The following NLN variants were observed in gnomAD, a reference collection of about 807,000 sequenced individuals.
NLN encodes the protein neurolysin, also known as neurolysin, mitochondrial.
Under a neutral mutation model 79.9 loss-of-function variants are expected in NLN, and 64 were observed. That is an observed-to-expected ratio of 0.80 (90% CI 0.65 to 0.99). The LOEUF (loss-of-function observed/expected upper bound fraction) is 0.99, where lower values mean the gene tolerates loss of function less well. Ranked by LOEUF, NLN falls within the 50% of genes least tolerant of loss-of-function variation. NLN has a pLI of 0.00. For synonymous variants in NLN, 267 were observed against 296.6 expected, an observed-to-expected ratio of 0.90 and a Z score of 1.02; for missense variants, 835 against 858.7, an observed-to-expected ratio of 0.97 and a Z score of 0.34.
chr5:65,738,323 C>T (rs886839376), intron 1 of NLN, among the ~76,000 whole-genome samples: 5 of 152,004 alleles, frequency 3.3e-5, no homozygotes, highest in African/African-American at 1.2e-4. Flanking sequence ...GTGCCTCATG[C>T]CATAATCCCA....
rs1252091041 is a variant in NLN at position 65,828,285 on chromosome 5, C to A, written c.*5370C>A. ...TGTGCCTAGATCAAAAGAATAATCC[C>A]CCCGGACTCCAGTGTAAGATCAATT... On this transcript the variant is annotated 3_prime_UTR_variant, in exon 13 of 13. Transcript: ENST00000380985. The A allele has an allele frequency of 6.6e-6, 1 of 152,120 alleles. No homozygotes were observed. Among genetic ancestry groups the A allele is most frequent in the Non-Finnish European group, 1.5e-5 (1 of 68,046 alleles). The allele number at this position is 152,120 out of a possible 1,614,324, so 9.4% of individuals were successfully genotyped here. A position where few individuals can be genotyped will look rare whatever the true frequency, so the allele number is the denominator to read the frequency against.
At position 65,722,220 on chromosome 5, in the gene NLN, GCT is replaced by G; in HGVS notation, c.-153_-152del. The G allele has an allele frequency of 2.5e-6, 1 of 404,856 alleles. No homozygotes were observed. 25.1% of individuals were successfully genotyped at this position (404,856 alleles called of 1,614,324 possible). A position where few individuals can be genotyped will look rare whatever the true frequency, so the allele number is the denominator to read the frequency against. On this transcript the variant is annotated 5_prime_UTR_variant, in exon 1 of 13. Transcript: ENST00000380985. ...CGGGGCTGGTAGGCGCCGGCGTGGA[GCT>G]GCCGCACGTGGGAGGGCGCTGGCCA...
At chr5:65,822,093 A>G (rs1231454150) in intron 12 of NLN, among the ~76,000 whole-genome samples, 1 of 152,230 alleles carries the variant, frequency 6.6e-6, no homozygotes, top group Non-Finnish European at 1.5e-5. Flanking sequence ...ATATTGAACA[A>G]TGCTGATACT....
intron 4 of NLN, 167 bp from the exon 5 acceptor site, chr5:65,780,012 G>C: frequency 2.1e-6 from 1 of 474,866 alleles, no homozygotes; most frequent in South Asian, 3.6e-5. Context: ...TTTTAGTAGA[G>C]ACTGGCTTTC....
At position 65,823,182 on chromosome 5, in the gene NLN, C is replaced by T. The variant is rs1760838531; in HGVS notation, c.*267C>T. ...TTATGAAAGTTTCATATGAATGTAA[C>T]TTGATTTTTTACTATTATAATCTAG... On this transcript the variant is annotated 3_prime_UTR_variant, in exon 13 of 13. Transcript: ENST00000380985. The T allele has an allele frequency of 3.0e-6, 1 of 336,320 alleles. No individual in the cohort carries two copies. 20.8% of individuals were successfully genotyped at this position (336,320 alleles called of 1,614,324 possible).
rs1476858922 is a variant in NLN at position 65,828,048 on chromosome 5, A to G, written c.*5133A>G. 6.6e-6 allele frequency: 1 copy of G among 152,206 alleles called. No individual in the cohort carries two copies. Among genetic ancestry groups the G allele is most frequent in the Non-Finnish European group, 1.5e-5 (1 of 68,040 alleles). The allele number at this position is 152,206 out of a possible 1,614,324, so 9.4% of individuals were successfully genotyped here. The stretch of plus-strand genomic sequence containing the variant: ...TAAAAAAATAATAATGTTTAAAAAT[A>G]TTTCAATGTGGAGACAAGCTCAAAA... On this transcript the variant is annotated 3_prime_UTR_variant, in exon 13 of 13. Transcript: ENST00000380985.
chr5:65,761,132 C>G (rs1759328389), intron 2 of NLN, among the ~76,000 whole-genome samples: 1 of 152,044 alleles, frequency 6.6e-6, no homozygotes, highest in Admixed American at 6.5e-5. Flanking sequence ...GGTTCCAGGT[C>G]TTTGTGGCAA....
chr5:65,724,438 GAAT>G (rs1411820108), intron 1 of NLN, among the ~76,000 whole-genome samples: 1 of 152,140 alleles, frequency 6.6e-6, no homozygotes, highest in African/African-American at 2.4e-5. Context: ...TTTTAAAACT[GAAT>G]AATATTTCAT....
Position 65,822,936 on chromosome 5 carries a change from G to A in NLN, c.*21G>A, listed in dbSNP as rs375732776. ...CGTGAACTGGGGATCTTTGGTAGCC[G>A]TCCATGTCTGGAGGACAAGTCGACA... On this transcript the variant is annotated 3_prime_UTR_variant, in exon 13 of 13. Transcript: ENST00000380985. 29 of 1,607,786 alleles carry A rather than the reference G, an allele frequency of 1.8e-5. No homozygotes were observed. The highest frequency in any genetic ancestry group is 2.4e-5 in the Non-Finnish European group (28 of 1,174,738).
At chr5:65,723,682 G>A (rs1297035282) in intron 1 of NLN, among the ~76,000 whole-genome samples, 1 of 151,190 alleles carries the variant, frequency 6.6e-6, no homozygotes, top group Admixed American at 6.6e-5. Flanking sequence ...GGGCGTGGTG[G>A]CGGGCGCCTG....
At chr5:65,814,378 G>A (rs967721424) in intron 12 of NLN, among the ~76,000 whole-genome samples, 1 of 151,988 alleles carries the variant, frequency 6.6e-6, no homozygotes, top group African/African-American at 2.4e-5. Context: ...ACAAGTTTAT[G>A]TGTTCCCTTA....
chr5:65,747,157 A>G (rs890350609), intron 1 of NLN, among the ~76,000 whole-genome samples: 2 of 152,186 alleles, frequency 1.3e-5, no homozygotes, highest in African/African-American at 2.4e-5. Flanking sequence ...AGAGAAATGG[A>G]TGATACAGAT....
chr5:65,783,868 G>A (rs142786223), intron 6 of NLN, among the ~76,000 whole-genome samples: 56 of 152,146 alleles, frequency 3.7e-4, no homozygotes, highest in African/African-American at 1.2e-3. Flanking sequence ...ATTACATTAT[G>A]TATGTTTCTC....
At chr5:65,768,655 C>T (rs1040162059) in intron 3 of NLN, among the ~76,000 whole-genome samples, 3 of 152,242 alleles carry the variant, frequency 2.0e-5, no homozygotes, top group Non-Finnish European at 4.4e-5. Context: ...AGTCCGAGAT[C>T]AGTGTGCCAG....
At position 65,825,384 on chromosome 5, in the gene NLN, CCT is replaced by C. The variant is rs1197207409; in HGVS notation, c.*2472_*2473del. ...TGGTAATTGATCCAGGGGATTTAGG[CCT>C]CTTTCGGGTTTTTTGTTTTTTTTTT... On this transcript the variant is annotated 3_prime_UTR_variant, in exon 13 of 13. Transcript: ENST00000380985. 6.6e-6 allele frequency: 1 copy of C among 151,788 alleles called. No individual in the cohort carries two copies. The highest frequency in any genetic ancestry group is 1.5e-5 in the Non-Finnish European group (1 of 67,966). The allele number at this position is 151,788 out of a possible 1,614,324, so 9.4% of individuals were successfully genotyped here. A position where few individuals can be genotyped will look rare whatever the true frequency, so the allele number is the denominator to read the frequency against.
Position 65,809,572 on chromosome 5 carries a change from T to A in NLN, c.1585T>A (p.Ser529Thr). The change falls in exon 10 of 13, where the codon TCG becomes ACG. Residue 529 changes from serine to threonine, a missense_variant. Ser to Thr is a moderately conservative substitution (Grantham distance 58). Coordinates refer to ENST00000380985, the MANE Select transcript of NLN (RefSeq NM_020726.5). Reference protein sequence around the residue: ...NVETDFVEVPSQMLENWVWDV... With the variant: ...NVETDFVEVPTQMLENWVWDV... The stretch of plus-strand genomic sequence containing the variant: ...GGAAACTGACTTTGTAGAGGTGCCA[T>A]CGCAAATGCTTGAAAATTGGGTGTG... The A allele has an allele frequency of 6.2e-7, 1 of 1,613,640 alleles. No individual in the cohort carries two copies. The highest frequency in any genetic ancestry group is 1.1e-5 in the South Asian group (1 of 90,916).
At chr5:65,809,130 C>T (rs76321823) in intron 9 of NLN, 1,746 of 160,976 alleles carry the variant, frequency 0.011, 31 homozygotes, top group African/African-American at 0.04. Context: ...GAAGGAGGAG[C>T]TAGGGAGAAA....
chr5:65,741,820 A>T (rs1048728070), intron 1 of NLN, among the ~76,000 whole-genome samples: 4 of 152,236 alleles, frequency 2.6e-5, no homozygotes, highest in Admixed American at 1.3e-4. Context: ...TACATAAGCC[A>T]GGGATAGGAT....
At chr5:65,787,254 ATGTGTGTG>A (rs146242783) in intron 7 of NLN, among the ~76,000 whole-genome samples, 2 of 149,058 alleles carry the variant, frequency 1.3e-5, no homozygotes, top group African/African-American at 2.5e-5. Flanking sequence ...ATATATATGT[ATGTGTGTG>A]TGTGTGTGTG....
Sources: gnomAD v4.1 joint callset for allele counts (sites outside exome capture counted in the v4.1 genomes callset) on GRCh38, gnomAD v4.1.1 for gene constraint, MANE v1.5 for transcripts, NCBI Gene and HGNC (gene_info 2026-07-23, HGNC 2026-07-21) for gene names.